Variants in TENM3 observed in about 807,000 individuals in gnomAD.
TENM3 encodes teneurin-3.
In TENM3, 63 loss-of-function variants were observed where a neutral mutation model predicts 255.1. That is an observed-to-expected ratio of 0.25 (90% CI 0.20 to 0.30). The LOEUF (loss-of-function observed/expected upper bound fraction) is 0.30. TENM3 is among the 10% of genes least tolerant of loss of function. The pLI is 1.00. For missense variants in TENM3, 2,929 were observed against 3,461.1 expected (o/e 0.85, Z 3.86); for synonymous variants, 1,306 against 1,322.3 (o/e 0.99, Z 0.27).
the TENM3 span, among the ~76,000 whole-genome samples, chr4:181,655,673 T>C: frequency 6.6e-6 from 1 of 152,198 alleles, no homozygotes; most frequent in South Asian, 2.1e-4. Context: ...CCAGGGGCGG[T>C]GTTATCCCAT....
At chr4:182,657,783 C>T (rs564130567) in intron 6 of TENM3, among the ~76,000 whole-genome samples, 27 of 152,214 alleles carry the variant, frequency 1.8e-4, no homozygotes, top group Non-Finnish European at 2.8e-4. Context: ...CTCAGCCTCC[C>T]GAGTAGCTGG....
chr4:181,976,067 T>C, the TENM3 span: 8 of 152,170 alleles, frequency 5.3e-5, no homozygotes, highest in Admixed American at 3.3e-4. Context: ...ATTCCCTTTT[T>C]ATAAGGACAT....
intron 3 of TENM3, among the ~76,000 whole-genome samples, chr4:182,397,799 G>A (rs1192124226): frequency 6.6e-6 from 1 of 152,146 alleles, no homozygotes; most frequent in African/African-American, 2.4e-5. Context: ...TCTGGGCTAT[G>A]ACTTGCGAAG....
At chr4:181,805,104 T>C in the TENM3 span, among the ~76,000 whole-genome samples, 2 of 152,170 alleles carry the variant, frequency 1.3e-5, no homozygotes, top group Admixed American at 1.3e-4. Context: ...GTGCTCACAC[T>C]TGCTCCACAG....
chr4:181,477,188 T>C, the TENM3 span, among the ~76,000 whole-genome samples: 1 of 152,182 alleles, frequency 6.6e-6, no homozygotes, highest in Non-Finnish European at 1.5e-5. Context: ...CGGCTAGTTC[T>C]GTGGCTCAGC....
chr4:181,541,517 C>T, the TENM3 span, among the ~76,000 whole-genome samples: 71 of 152,290 alleles, frequency 4.7e-4, no homozygotes, highest in African/African-American at 1.5e-3. Flanking sequence ...AACTCTCTCC[C>T]TTTGTGTATG....
At chr4:182,783,447 C>T (rs922728952) in intron 24 of TENM3, among the ~76,000 whole-genome samples, 8 of 152,182 alleles carry the variant, frequency 5.3e-5, no homozygotes, top group Non-Finnish European at 1.0e-4. Flanking sequence ...ATGGGCTTCC[C>T]TTTGAGGGTA....
chr4:181,799,844 T>C, the TENM3 span, among the ~76,000 whole-genome samples: 1 of 152,224 alleles, frequency 6.6e-6, no homozygotes, highest in Non-Finnish European at 1.5e-5. Context: ...CAATACAATG[T>C]GCTCTGTTTG....
intron 3 of TENM3, among the ~76,000 whole-genome samples, chr4:182,485,998 G>A (rs1238678960): frequency 1.3e-5 from 2 of 152,116 alleles, no homozygotes; most frequent in African/African-American, 2.4e-5. Context: ...ATGAAGAGAA[G>A]GAAAGCTGAG....
At chr4:181,937,349 AGG>A in the TENM3 span, among the ~76,000 whole-genome samples, 1 of 152,236 alleles carries the variant, frequency 6.6e-6, no homozygotes, top group Non-Finnish European at 1.5e-5. Flanking sequence ...GGCTTTAAAC[AGG>A]AGAGAGGCAT....
chr4:182,638,300 C>T (rs891719389), intron 5 of TENM3, among the ~76,000 whole-genome samples: 1 of 152,134 alleles, frequency 6.6e-6, no homozygotes, highest in Non-Finnish European at 1.5e-5. Flanking sequence ...TGACTTCTTT[C>T]CATTCATGAG....
the TENM3 span, among the ~76,000 whole-genome samples, chr4:181,875,393 AAT>A: frequency 2.0e-5 from 3 of 149,316 alleles, no homozygotes; most frequent in African/African-American, 7.4e-5. Context: ...TTCCAAATTT[AAT>A]ATTGTTATTT....
the TENM3 span, among the ~76,000 whole-genome samples, chr4:181,492,668 A>AT: frequency 3.0e-3 from 453 of 152,128 alleles, 4 homozygotes; most frequent in African/African-American, 0.01. Context: ...TGTTCTACAG[A>AT]TTTTTTTTAT....
At chr4:182,464,662 T>C (rs1001443480) in intron 3 of TENM3, among the ~76,000 whole-genome samples, 4 of 152,244 alleles carry the variant, frequency 2.6e-5, no homozygotes, top group Non-Finnish European at 4.4e-5. Context: ...ATCGATTTAG[T>C]ATTTTAAAGG....
chr4:182,766,598 G>T (rs867678913), intron 22 of TENM3, among the ~76,000 whole-genome samples: 2 of 152,114 alleles, frequency 1.3e-5, no homozygotes, highest in Admixed American at 6.5e-5. Flanking sequence ...CACTATTTTT[G>T]AATTTGATTC....
At chr4:182,722,589 G>C (rs989952417) in intron 13 of TENM3, among the ~76,000 whole-genome samples, 1 of 152,212 alleles carries the variant, frequency 6.6e-6, no homozygotes, top group African/African-American at 2.4e-5. Context: ...CAAAGGAAAC[G>C]ATTGTGGTGA....
chr4:181,466,912 C>T, the TENM3 span, among the ~76,000 whole-genome samples: 5 of 151,310 alleles, frequency 3.3e-5, no homozygotes, highest in South Asian at 1.0e-3. Context: ...TCCTCCTTGT[C>T]ACCTCTCTCA....
rs750966779 is a variant in TENM3 at position 182,754,819 on chromosome 4, A to C, written c.4452A>C (p.Thr1484=). 3.1e-6 allele frequency: 5 copies of C among 1,613,934 alleles called. No individual in the cohort carries two copies. The East Asian group carries it at 1.1e-4, about 36-fold the overall frequency. ...PSSLAASPDG[T]LYIADLGNIR... The stretch of plus-strand genomic sequence containing the variant: ...CCCTGGCTGCTTCTCCAGATGGTAC[A>C]CTGTATATTGCAGATCTAGGGAATA... Residue 1484 remains threonine, a synonymous_variant, in exon 22 of 28, where the codon ACA becomes ACC. Transcript: ENST00000511685. The surrounding 1 kb of genome is among the most constrained non-coding windows in gnomAD (Gnocchi z 5.1).
chr4:182,214,049 G>GT (rs1755264232), intron 1 of TENM3, among the ~76,000 whole-genome samples: 2 of 152,224 alleles, frequency 1.3e-5, no homozygotes, highest in South Asian at 2.1e-4. Flanking sequence ...TGATCCCCCC[G>GT]CTGCGGCCTC....
Sources: gnomAD v4.1 joint callset for allele counts (sites outside exome capture counted in the v4.1 genomes callset) on GRCh38, gnomAD v4.1.1 for gene constraint, Gnocchi (gnomAD v3.1) non-coding constraint, MANE v1.5 for transcripts, NCBI Gene and HGNC (gene_info 2026-07-23, HGNC 2026-07-21) for gene names.